Variants in DENND2C observed in about 807,000 individuals in gnomAD.
The protein encoded by DENND2C is DENN domain-containing protein 2C.
In DENND2C, 72 loss-of-function variants were observed where a neutral mutation model predicts 112.4. The observed-to-expected ratio is 0.64, with a 90% confidence interval of 0.53 to 0.78. The LOEUF (loss-of-function observed/expected upper bound fraction) is 0.78. Ranked by LOEUF, DENND2C falls within the 30% of genes least tolerant of loss-of-function variation. DENND2C has a pLI of 0.00. For missense variants in DENND2C, 992 were observed against 1,113.8 expected, an observed-to-expected ratio of 0.89 and a Z score of 1.56; for synonymous variants, 329 against 381.6, an observed-to-expected ratio of 0.86 and a Z score of 1.61.
intron 1 of DENND2C, among the ~76,000 whole-genome samples, chr1:114,663,962 T>C (rs1005593793): frequency 6.6e-6 from 1 of 151,312 alleles, no homozygotes; most frequent in Non-Finnish European, 1.5e-5. Context: ...TTTTTTTTTT[T>C]TTTTTTTGTC....
intron 10 of DENND2C, 116 bp downstream of exon 10, chr1:114,608,570 A>T: frequency 8.4e-7 from 1 of 1,183,846 alleles, no homozygotes. Flanking sequence ...AGATCCTACC[A>T]CAAGAACAGT....
Position 114,585,383 on chromosome 1 carries a change from A to C in DENND2C, c.*217T>G. ...AGGCTGCTATAAAAAAAAAATGGAG[A>C]CAGAGTAAAGATGGCATGGTGCCAG... On this transcript the variant is annotated 3_prime_UTR_variant, in exon 21 of 21. Coordinates refer to ENST00000393274, the MANE Select transcript of DENND2C (RefSeq NM_001256404.2). The C allele has an allele frequency of 2.2e-6, 1 of 456,390 alleles. No individual in the cohort carries two copies. Among genetic ancestry groups the C allele is most frequent in the Non-Finnish European group, 4.0e-6 (1 of 252,656 alleles). The allele number at this position is 456,390 out of a possible 1,614,324, so 28.3% of individuals were successfully genotyped here. A position where few individuals can be genotyped will look rare whatever the true frequency, so the allele number is the denominator to read the frequency against.
In DENND2C at chr1:114,659,957, A is replaced by C. The variant is rs903467045; in HGVS notation, c.-573-5196T>G. Among the ~76,000 whole-genome samples the C allele has an allele frequency of 1.2e-4, 4 of 33,758 alleles. No individual in the cohort carries two copies. The African/African-American group carries it at 1.3e-3, about 11-fold the overall frequency. The allele number at this position is 33,758 out of a possible 152,430, so 22.1% of individuals were successfully genotyped here. A position where few individuals can be genotyped will look rare whatever the true frequency, so the allele number is the denominator to read the frequency against. On this transcript the variant is annotated intron_variant, in intron 1 of 20. Transcript: ENST00000393274. ...AGGAACACATCACCACGCCTGGCTAATTTTTTTATTTTTAGTAAAGACTGG... is the reference window on the plus strand; with the variant it reads ...AGGAACACATCACCACGCCTGGCTACTTTTTTTATTTTTAGTAAAGACTGG...
chr1:114,634,865 T>C (rs1346048736), intron 3 of DENND2C, among the ~76,000 whole-genome samples: 1 of 151,464 alleles, frequency 6.6e-6, no homozygotes, highest in Non-Finnish European at 1.5e-5. Flanking sequence ...CTGCCTCTAT[T>C]AAAAATACAA....
chr1:114,660,841 G>A (rs1317996965), intron 1 of DENND2C, among the ~76,000 whole-genome samples: 1 of 151,992 alleles, frequency 6.6e-6, no homozygotes, highest in African/African-American at 2.4e-5. Flanking sequence ...TGCCGGGCGT[G>A]GTGTCTCATG....
At chr1:114,634,269 AACTTG>A (rs747972974) in intron 3 of DENND2C, among the ~76,000 whole-genome samples, 3 of 152,332 alleles carry the variant, frequency 2.0e-5, no homozygotes, top group East Asian at 1.9e-4. Context: ...ACTATCAATC[AACTTG>A]ACTTAATTGA....
intron 8 of DENND2C, among the ~76,000 whole-genome samples, chr1:114,612,842 G>T (rs937729340): frequency 1.3e-5 from 2 of 151,696 alleles, no homozygotes; most frequent in African/African-American, 4.8e-5. Flanking sequence ...TGTATTTTTT[G>T]TAGAGACGGG....
intron 8 of DENND2C, among the ~76,000 whole-genome samples, chr1:114,614,021 C>A (rs1655890753): frequency 6.6e-6 from 1 of 151,884 alleles, no homozygotes; most frequent in African/African-American, 2.4e-5. Flanking sequence ...TCGCTTGAGC[C>A]CAGGAATTCA....
chr1:114,594,064 G>A (rs921012306), intron 18 of DENND2C, among the ~76,000 whole-genome samples: 3 of 152,200 alleles, frequency 2.0e-5, no homozygotes, highest in East Asian at 3.9e-4. Flanking sequence ...CTGTTCTCAC[G>A]GAACTTATGC....
rs150205392 is a variant in DENND2C, at chr1:114,587,999, T to C, written c.2432-47A>G. On this transcript the variant is annotated intron_variant, in intron 18 of 20. Coordinates refer to ENST00000393274, the MANE Select transcript of DENND2C (RefSeq NM_001256404.2). ...AAAAAGAAAAAAATCTCCTCAGTTA[T>C]CTGTATCTGGAAACACTGGCTCTGG... is the stretch of plus-strand genomic sequence containing the variant. The C allele has an allele frequency of 3.1e-4, 479 of 1,533,180 alleles. 5 individuals are homozygous for C. The East Asian group carries it at 8.7e-3, about 28-fold the overall frequency. 95.0% of individuals were successfully genotyped at this position (1,533,180 alleles called of 1,614,324 possible). A position where few individuals can be genotyped will look rare whatever the true frequency, so the allele number is the denominator to read the frequency against.
intron 3 of DENND2C, among the ~76,000 whole-genome samples, chr1:114,639,356 A>C (rs1161063656): frequency 6.6e-6 from 1 of 152,006 alleles, no homozygotes; most frequent in African/African-American, 2.4e-5. Context: ...TGAGGCCGGT[A>C]GATCACGAGG....
intron 5 of DENND2C, 63 bp from the exon 6 acceptor site, chr1:114,623,162 T>C: frequency 6.8e-7 from 1 of 1,468,706 alleles, no homozygotes; most frequent in Non-Finnish European, 9.2e-7. Flanking sequence ...TAACCACAGC[T>C]GGCAAAAGAA....
chr1:114,652,623 A>T (rs1198658482), intron 2 of DENND2C, among the ~76,000 whole-genome samples: 1 of 150,362 alleles, frequency 6.7e-6, no homozygotes, highest in Non-Finnish European at 1.5e-5. Context: ...TCGAATTTGC[A>T]TCATAAAACC....
At chr1:114,629,851 A>G (rs1656440611) in intron 3 of DENND2C, among the ~76,000 whole-genome samples, 1 of 152,206 alleles carries the variant, frequency 6.6e-6, no homozygotes, top group Non-Finnish European at 1.5e-5. Context: ...TATTTTACCA[A>G]TTCAAGTCTT....
chr1:114,641,300 G>A (rs955170759), intron 3 of DENND2C, among the ~76,000 whole-genome samples: 3 of 150,384 alleles, frequency 2.0e-5, no homozygotes, highest in East Asian at 1.9e-4. Flanking sequence ...AAAAAAAATC[G>A]CTTTGAACTC....
At chr1:114,619,956 T>A (rs1312269440) in intron 7 of DENND2C, among the ~76,000 whole-genome samples, 2 of 152,180 alleles carry the variant, frequency 1.3e-5, no homozygotes, top group Non-Finnish European at 2.9e-5. Flanking sequence ...ATCATACTGC[T>A]GTACACACAA....
intron 3 of DENND2C, among the ~76,000 whole-genome samples, chr1:114,645,131 A>G (rs1406458608): frequency 6.6e-6 from 1 of 152,186 alleles, no homozygotes; most frequent in African/African-American, 2.4e-5. Context: ...CAGTGATTCA[A>G]AGATTTAGTC....
chr1:114,644,091 C>T (rs1453674987), intron 3 of DENND2C, among the ~76,000 whole-genome samples: 1 of 152,136 alleles, frequency 6.6e-6, no homozygotes, highest in Admixed American at 6.5e-5. Context: ...GTTAACTCCA[C>T]CTTTAAAACA....
At chr1:114,610,140 A>G (rs1278527379) in intron 9 of DENND2C, among the ~76,000 whole-genome samples, 1 of 152,130 alleles carries the variant, frequency 6.6e-6, no homozygotes, top group Non-Finnish European at 1.5e-5. Flanking sequence ...TACTTTTTCC[A>G]TGGCTTAGTA....
Sources: allele counts gnomAD v4.1 joint callset (sites outside exome capture counted in the v4.1 genomes callset), GRCh38; gene constraint gnomAD v4.1.1; transcripts MANE v1.5; gene names NCBI Gene and HGNC (gene_info 2026-07-23, HGNC 2026-07-21).